BMPER: variants seen among roughly 807,000 people sequenced by gnomAD.
The protein encoded by BMPER is BMP binding endothelial regulator.
Under a neutral mutation model 87.3 loss-of-function variants are expected in BMPER, and 45 were observed. The ratio of observed to expected loss-of-function variants is 0.52; its 90% CI spans 0.41 to 0.66. The LOEUF (loss-of-function observed/expected upper bound fraction) is 0.66. Ranked by LOEUF, BMPER falls within the 30% of genes least tolerant of loss-of-function variation. BMPER has a pLI of 0.00. For missense variants in BMPER, 784 were observed against 867.5 expected, an observed-to-expected ratio of 0.90 and a Z score of 1.21; for synonymous variants, 326 against 316.2, an observed-to-expected ratio of 1.03 and a Z score of -0.33.
rs552433004 is a variant in BMPER, at chr7:34,088,598, G to A, written c.1745+2506G>A. 8.3e-4 allele frequency among the ~76,000 whole-genome samples: 127 copies of A among 152,320 alleles called. 2 individuals are homozygous for A. The highest frequency in any genetic ancestry group is 6.3e-4 in the Non-Finnish European group (43 of 68,034). ...CAGCCCAGCTCTGCCACTGTTAGCAGTGTGCCCTGGTGGCTAGCTGAGTTC... is the reference window on the plus strand; with the variant it reads ...CAGCCCAGCTCTGCCACTGTTAGCAATGTGCCCTGGTGGCTAGCTGAGTTC... On this transcript the variant is annotated intron_variant, in intron 13 of 14. Coordinates refer to ENST00000649409, the MANE Select transcript of BMPER (RefSeq NM_001365308.1).
intron 13 of BMPER, among the ~76,000 whole-genome samples, chr7:34,134,859 T>G (rs2127992502): frequency 6.6e-6 from 1 of 152,250 alleles, no homozygotes; most frequent in South Asian, 2.1e-4. Flanking sequence ...AAAGCAAGTA[T>G]GTGGAGCTTC....
intron 13 of BMPER, among the ~76,000 whole-genome samples, chr7:34,102,896 G>A (rs1439163786): frequency 6.6e-6 from 1 of 152,144 alleles, no homozygotes; most frequent in East Asian, 1.9e-4. Flanking sequence ...TGGCCTCTGG[G>A]GGCTGTTTCG....
At position 33,905,766 on chromosome 7, in the gene BMPER, G is replaced by T; in HGVS notation, c.133+20G>T. ...TGACAGGTAGGGGAGGGGGCGGGAG[G>T]GACCGGCCCTCCGGGACGCCGGTTT... is the stretch of plus-strand genomic sequence containing the variant. On this transcript the variant is annotated intron_variant, in intron 1 of 14. Coordinates refer to ENST00000649409, the MANE Select transcript of BMPER (RefSeq NM_001365308.1). 1.3e-6 allele frequency: 2 copies of T among 1,534,712 alleles called. No individual in the cohort carries two copies. Among genetic ancestry groups the T allele is most frequent in the South Asian group, 1.1e-5 (1 of 90,186 alleles).
At chr7:34,138,989 G>A (rs17753113) in intron 13 of BMPER, among the ~76,000 whole-genome samples, 2 of 152,286 alleles carry the variant, frequency 1.3e-5, no homozygotes, top group Non-Finnish European at 2.9e-5. Flanking sequence ...AAAGGACAAC[G>A]ATCTTCCATA....
intron 13 of BMPER, among the ~76,000 whole-genome samples, chr7:34,088,629 C>A (rs142966318): frequency 7.0e-4 from 106 of 152,226 alleles, no homozygotes; most frequent in African/African-American, 2.5e-3. Context: ...AGTTCAACAT[C>A]CTTTATCGAA....
intron 3 of BMPER, among the ~76,000 whole-genome samples, chr7:33,960,712 T>C (rs1408492889): frequency 1.3e-5 from 2 of 152,238 alleles, no homozygotes; most frequent in African/African-American, 4.8e-5. Flanking sequence ...AAGAAAGCTT[T>C]CCTGTTTCTG....
intron 6 of BMPER, among the ~76,000 whole-genome samples, chr7:34,003,205 A>G (rs1371265593): frequency 6.6e-6 from 1 of 151,940 alleles, no homozygotes; most frequent in Non-Finnish European, 1.5e-5. Flanking sequence ...ATATACACAC[A>G]CACACATATA....
At chr7:34,095,409 A>G (rs1562740368) in intron 13 of BMPER, among the ~76,000 whole-genome samples, 1 of 152,202 alleles carries the variant, frequency 6.6e-6, no homozygotes, top group Non-Finnish European at 1.5e-5. Context: ...TGTCAGTTGC[A>G]GTTAGGACCA....
At chr7:34,128,519 G>A (rs1039070987) in intron 13 of BMPER, among the ~76,000 whole-genome samples, 4 of 152,150 alleles carry the variant, frequency 2.6e-5, no homozygotes, top group Non-Finnish European at 5.9e-5. Context: ...TTGCGCTTAG[G>A]TGGAACACCC....
rs139210887 is a variant in BMPER at position 33,970,837 on chromosome 7, A to G, written c.493+418A>G. Among the ~76,000 whole-genome samples the G allele has an allele frequency of 3.9e-5, 6 of 152,262 alleles. No homozygotes were observed. In the East Asian group the frequency reaches 9.7e-4, roughly 25 times the overall value. ...CTGTGTCCCTAAGTGAATTTAGCTT[A>G]GGGTTTTGCTGGTCTCAGTTTTCCA... On this transcript the variant is annotated intron_variant, in intron 5 of 14. Transcript: ENST00000649409.
intron 6 of BMPER, among the ~76,000 whole-genome samples, chr7:33,995,173 G>T (rs1226518192): frequency 6.6e-6 from 1 of 151,890 alleles, no homozygotes; most frequent in Non-Finnish European, 1.5e-5. Flanking sequence ...TATGATTGTG[G>T]CCATGGTACA....
intron 2 of BMPER, among the ~76,000 whole-genome samples, chr7:33,909,181 C>T (rs1180432201): frequency 1.3e-5 from 2 of 152,092 alleles, no homozygotes; most frequent in African/African-American, 4.8e-5. Flanking sequence ...AGGGCTTTTA[C>T]CTTTATTTTA....
intron 13 of BMPER, among the ~76,000 whole-genome samples, chr7:34,139,329 G>A (rs982634740): frequency 3.9e-5 from 6 of 152,154 alleles, no homozygotes; most frequent in African/African-American, 7.2e-5. Context: ...CTGGAGGAAC[G>A]TTGAATAACT....
At chr7:34,120,777 A>G (rs914168075) in intron 13 of BMPER, among the ~76,000 whole-genome samples, 5 of 152,158 alleles carry the variant, frequency 3.3e-5, no homozygotes, top group African/African-American at 7.2e-5. Context: ...TTAAGAAAGA[A>G]TATTATACAC....
rs1358130873 is a variant in BMPER, at chr7:33,989,601, C to T, written c.576+14817C>T. 1.3e-5 allele frequency among the ~76,000 whole-genome samples: 2 copies of T among 152,182 alleles called. 1 individual carries two copies. The highest frequency in any genetic ancestry group is 2.9e-5 in the Non-Finnish European group (2 of 68,042). On this transcript the variant is annotated intron_variant, in intron 6 of 14. Transcript: ENST00000649409. The stretch of plus-strand genomic sequence containing the variant: ...TCTGATGGTAGTTTCTTTCACTGTG[C>T]AGAAGCTCTTTAGTTTAATTAGATC...
intron 6 of BMPER, among the ~76,000 whole-genome samples, chr7:34,033,822 G>A (rs771404260): frequency 6.6e-6 from 1 of 152,164 alleles, no homozygotes; most frequent in Non-Finnish European, 1.5e-5. Context: ...GTGGTTTTTA[G>A]TGCAATATTT....
chr7:33,933,447 T>G (rs1012411463), intron 2 of BMPER, among the ~76,000 whole-genome samples: 4 of 150,898 alleles, frequency 2.7e-5, no homozygotes, highest in Non-Finnish European at 4.4e-5. Context: ...TTAGGTTTTT[T>G]TTTTTTTTTT....
At chr7:34,027,538 A>G (rs1787388184) in intron 6 of BMPER, among the ~76,000 whole-genome samples, 1 of 152,122 alleles carries the variant, frequency 6.6e-6, no homozygotes, top group Non-Finnish European at 1.5e-5. Flanking sequence ...AATTCAGTGA[A>G]TATCTAGAGG....
At chr7:34,131,063 CAG>C (rs967981394) in intron 13 of BMPER, among the ~76,000 whole-genome samples, 3 of 152,070 alleles carry the variant, frequency 2.0e-5, no homozygotes, top group Admixed American at 6.5e-5. Flanking sequence ...TTCCAACTCT[CAG>C]GGGCTCATCT....
Sources: allele counts gnomAD v4.1 joint callset (sites outside exome capture counted in the v4.1 genomes callset), GRCh38; gene constraint gnomAD v4.1.1; transcripts MANE v1.5; gene names NCBI Gene and HGNC (gene_info 2026-07-23, HGNC 2026-07-21).